Variants in CLIP4 observed in about 807,000 individuals in gnomAD.
The protein encoded by CLIP4 is CAP-Gly domain-containing linker protein 4.
CLIP4 carries 47 observed loss-of-function variants against 73.1 expected under a neutral mutation model. That is an observed-to-expected ratio of 0.64 (90% confidence interval 0.51 to 0.82). The LOEUF (loss-of-function observed/expected upper bound fraction) is 0.82, where lower values mean the gene tolerates loss of function less well. Ranked by LOEUF, CLIP4 falls within the 40% of genes least tolerant of loss-of-function variation. The pLI is 0.00. For missense variants in CLIP4, 874 were observed against 852.9 expected (o/e 1.02, Z -0.31); for synonymous variants, 306 against 295.4 (o/e 1.04, Z -0.37).
intron 1 of CLIP4, among the ~76,000 whole-genome samples, chr2:29,105,490 T>C (rs1033660825): frequency 2.0e-5 from 3 of 152,210 alleles, no homozygotes; most frequent in Non-Finnish European, 4.4e-5. Flanking sequence ...TTTCTCTCTT[T>C]AGAAACCCAT....
At chr2:29,169,339 G>C (rs1341013988) in intron 14 of CLIP4, among the ~76,000 whole-genome samples, 1 of 73,088 alleles carries the variant, frequency 1.4e-5, no homozygotes, top group Admixed American at 1.5e-4. Context: ...CTGTGTGTGT[G>C]TGTGTGTGTG....
At chr2:29,169,640 A>G (rs1667875454) in intron 14 of CLIP4, among the ~76,000 whole-genome samples, 1 of 151,980 alleles carries the variant, frequency 6.6e-6, no homozygotes, top group South Asian at 2.1e-4. Context: ...GTAGTTGTAC[A>G]TATTTTTGGG....
intron 1 of CLIP4, among the ~76,000 whole-genome samples, chr2:29,119,355 T>C (rs1664096480): frequency 6.6e-6 from 1 of 152,208 alleles, no homozygotes; most frequent in African/African-American, 2.4e-5. Flanking sequence ...CTCAACAGTT[T>C]ACAAGGAAAT....
At chr2:29,169,137 A>G (rs772200663) in intron 14 of CLIP4, among the ~76,000 whole-genome samples, 7 of 152,138 alleles carry the variant, frequency 4.6e-5, no homozygotes, top group Middle Eastern at 3.2e-3. Context: ...TTGATGATGT[A>G]TTAGTTGCTA....
At chr2:29,170,553 C>T (rs1186938876) in intron 14 of CLIP4, among the ~76,000 whole-genome samples, 4 of 152,184 alleles carry the variant, frequency 2.6e-5, no homozygotes, top group African/African-American at 9.6e-5. Flanking sequence ...TGTGACTTGT[C>T]TTTTCATTCT....
chr2:29,109,137 G>A (rs962924510), intron 1 of CLIP4, among the ~76,000 whole-genome samples: 10 of 152,132 alleles, frequency 6.6e-5, no homozygotes, highest in Middle Eastern at 3.2e-3. Flanking sequence ...GTCAGAGTCC[G>A]TTTCAGTGGC....
chr2:29,181,011 C>T (rs1226246074), intron 15 of CLIP4, among the ~76,000 whole-genome samples: 1 of 152,014 alleles, frequency 6.6e-6, no homozygotes, highest in African/African-American at 2.4e-5. Context: ...GAGTGCCATC[C>T]CCTGCTTGCC....
intron 14 of CLIP4, among the ~76,000 whole-genome samples, chr2:29,170,981 C>T (rs1667965696): frequency 6.6e-6 from 1 of 152,138 alleles, no homozygotes; most frequent in Non-Finnish European, 1.5e-5. Flanking sequence ...GCCAGTACCA[C>T]ACTGTCTTGA....
At chr2:29,127,557 A>G (rs556095998) in intron 2 of CLIP4, among the ~76,000 whole-genome samples, 12 of 152,318 alleles carry the variant, frequency 7.9e-5, no homozygotes, top group African/African-American at 2.6e-4. Flanking sequence ...TATTTCAAAG[A>G]CATAAAAATT....
At chr2:29,165,350 C>A (rs1193219863) in intron 13 of CLIP4, among the ~76,000 whole-genome samples, 1 of 151,890 alleles carries the variant, frequency 6.6e-6, no homozygotes, top group Non-Finnish European at 1.5e-5. Flanking sequence ...GTTTGCAGGG[C>A]CCTTCATGTA....
chr2:29,147,745 ATTG>A (rs1168679741), intron 8 of CLIP4, among the ~76,000 whole-genome samples: 1 of 152,156 alleles, frequency 6.6e-6, no homozygotes, highest in African/African-American at 2.4e-5. Context: ...TACACAATAA[ATTG>A]TTGTTAACCA....
In CLIP4 at chr2:29,131,297, A is replaced by G; in HGVS notation, c.173A>G (p.Glu58Gly). 6 of 1,610,216 alleles carry G rather than the reference A, an allele frequency of 3.7e-6. No homozygotes were observed. Among genetic ancestry groups the G allele is most frequent in the Non-Finnish European group, 4.2e-6 (5 of 1,178,592 alleles). The part of the protein sequence containing the change: ...FFDPNDASCQ[E>G]ILFDPKTSVS... ...GATCCTAATGATGCATCATGCCAGG[A>G]AATTCTTTTTGATCCCAAAACTTCA... The change falls in exon 3 of 16, where the codon GAA becomes GGA. Residue 58 changes from glutamate (E) to glycine (G), a missense_variant. Glu to Gly is a moderately conservative substitution (Grantham distance 98, BLOSUM62 -2). Coordinates refer to ENST00000320081, the MANE Select transcript of CLIP4 (RefSeq NM_024692.6).
At chr2:29,099,962 T>C in intron 1 of CLIP4, among the ~76,000 whole-genome samples, 1 of 152,248 alleles carries the variant, frequency 6.6e-6, no homozygotes, top group East Asian at 1.9e-4. Flanking sequence ...GTAAATGGTA[T>C]TGTGTTTTAA....
At chr2:29,153,446 A>G (rs112331222) in intron 9 of CLIP4, among the ~76,000 whole-genome samples, 1 of 151,944 alleles carries the variant, frequency 6.6e-6, no homozygotes, top group Admixed American at 6.6e-5. Flanking sequence ...CTTCTTATTC[A>G]TATCCTGTCT....
Position 29,131,384 on chromosome 2 carries a change from T to A in CLIP4, c.260T>A (p.Ile87Asn). The change falls in exon 3 of 16, where the codon ATT becomes AAT. Residue 87 changes from isoleucine to asparagine, a missense_variant. Ile to Asn is a moderately radical substitution (Grantham distance 149). Transcript: ENST00000320081. The part of the protein sequence containing the change: ...WVPQVQQNID[I>N]IGNEILKRGC... ...CCTCAGGTCCAACAAAACATTGACA[T>A]TATTGGAAATGAGGTAAGGAATTCT... 1.9e-6 allele frequency: 3 copies of A among 1,598,040 alleles called. No homozygotes were observed. The highest frequency in any genetic ancestry group is 2.6e-6 in the Non-Finnish European group (3 of 1,174,918).
Position 29,143,734 on chromosome 2 carries a change from A to T in CLIP4, c.674A>T (p.Asp225Val). 4 of 1,613,166 alleles carry T rather than the reference A, an allele frequency of 2.5e-6. No homozygotes were observed. Among genetic ancestry groups the T allele is most frequent in the Non-Finnish European group, 3.4e-6 (4 of 1,179,100 alleles). Residue 225 changes from aspartate (D) to valine (V), a missense_variant, in exon 7 of 16, where the codon GAT becomes GTT. By Grantham distance (152) the Asp-to-Val change is radical (BLOSUM62 -3). Coordinates refer to ENST00000320081, the MANE Select transcript of CLIP4 (RefSeq NM_024692.6). ...FRNDKGQIPA[D>V]VVPDPVDMPL... ...AATGACAAAGGACAGATCCCTGCTG[A>T]TGTTGTTCCAGACCCAGTAGATATG...
At chr2:29,137,386 G>A (rs779681024) in intron 6 of CLIP4, among the ~76,000 whole-genome samples, 4 of 152,084 alleles carry the variant, frequency 2.6e-5, no homozygotes, top group Non-Finnish European at 5.9e-5. Flanking sequence ...TGTGTAGTAT[G>A]CCCTATATGT....
At chr2:29,111,067 A>G (rs1668375310), upstream of CLIP4, among the ~76,000 whole-genome samples, 1 of 152,216 alleles carries the variant, frequency 6.6e-6, no homozygotes, top group African/African-American at 2.4e-5. Flanking sequence ...CAAGGTGCTT[A>G]TAGAACCACT....
At chr2:29,100,621 A>G (rs1165124785) in intron 1 of CLIP4, among the ~76,000 whole-genome samples, 1 of 151,960 alleles carries the variant, frequency 6.6e-6, no homozygotes, top group African/African-American at 2.4e-5. Flanking sequence ...CATTAATACA[A>G]AATAATGCAC....
Sources: allele counts gnomAD v4.1 joint callset (sites outside exome capture counted in the v4.1 genomes callset), GRCh38; gene constraint gnomAD v4.1.1; transcripts MANE v1.5; gene names NCBI Gene and HGNC (gene_info 2026-07-23, HGNC 2026-07-21).